ATG10: variants seen among roughly 807,000 people sequenced by gnomAD.
The protein encoded by ATG10 is ubiquitin-like-conjugating enzyme ATG10.
ATG10 carries 30 observed loss-of-function variants against 32.1 expected under a neutral mutation model. That is an observed-to-expected ratio of 0.94 (90% CI 0.70 to 1.27). The LOEUF (loss-of-function observed/expected upper bound fraction) is 1.27. Ranked by LOEUF, ATG10 falls within the 50% of genes most tolerant of loss-of-function variation. ATG10 has a pLI of 0.00. For missense variants in ATG10, 233 were observed against 262.3 expected (o/e 0.89, Z 0.77); for synonymous variants, 87 against 91.5 (o/e 0.95, Z 0.28).
intron 3 of ATG10, among the ~76,000 whole-genome samples, chr5:82,120,568 C>G (rs1459299784): frequency 6.6e-6 from 1 of 152,058 alleles, no homozygotes; most frequent in African/African-American, 2.4e-5. Flanking sequence ...TGGAATTGAG[C>G]TAATAGCTTT....
intron 3 of ATG10, among the ~76,000 whole-genome samples, chr5:82,097,950 T>A (rs919525433): frequency 6.6e-6 from 1 of 152,100 alleles, no homozygotes; most frequent in Admixed American, 6.6e-5. Flanking sequence ...CATGACATTT[T>A]AAAAAAAGGA....
At chr5:82,103,815 T>C (rs1765359763) in intron 3 of ATG10, among the ~76,000 whole-genome samples, 1 of 152,122 alleles carries the variant, frequency 6.6e-6, no homozygotes, top group Non-Finnish European at 1.5e-5. Flanking sequence ...AATTCCCAGA[T>C]GAAGAAACAG....
Position 82,170,421 on chromosome 5 carries a change from C to T in ATG10, c.355+5884C>T, listed in dbSNP as rs144478832. 3.2e-3 allele frequency among the ~76,000 whole-genome samples: 480 copies of T among 152,190 alleles called. 4 individuals are homozygous for T. Among genetic ancestry groups the T allele is most frequent in the African/African-American group, 7.2e-3 (298 of 41,524 alleles). ...CCTTCAAAGTCATCAAAGCAGTATT[C>T]GAGTCTATATGTTAGGTGCTGTTTT... On this transcript the variant is annotated intron_variant, in intron 4 of 7. Transcript: ENST00000282185.
intron 3 of ATG10, among the ~76,000 whole-genome samples, chr5:82,106,061 CTG>C (rs955281440): frequency 1.3e-5 from 2 of 152,076 alleles, no homozygotes; most frequent in African/African-American, 2.4e-5. Context: ...TCTGACTAAA[CTG>C]TTGCATTTAA....
intron 2 of ATG10, among the ~76,000 whole-genome samples, chr5:82,016,864 A>AT (rs1007802923): frequency 1.2e-4 from 18 of 151,170 alleles, no homozygotes; most frequent in African/African-American, 3.6e-4. Context: ...AATTTTTTGT[A>AT]TTTTTTTAGT....
chr5:81,978,266 C>T (rs1378183558), intron 1 of ATG10, among the ~76,000 whole-genome samples: 2 of 152,212 alleles, frequency 1.3e-5, no homozygotes, highest in South Asian at 2.1e-4. Flanking sequence ...GATGGGGTTT[C>T]ACCATGTTGG....
At chr5:82,132,334 A>G (rs1561315639) in intron 3 of ATG10, among the ~76,000 whole-genome samples, 1 of 151,918 alleles carries the variant, frequency 6.6e-6, no homozygotes, top group Non-Finnish European at 1.5e-5. Flanking sequence ...TACATGTGCC[A>G]TGGTGGTTTG....
chr5:82,054,607 G>T (rs550110157), intron 2 of ATG10, among the ~76,000 whole-genome samples: 47 of 152,344 alleles, frequency 3.1e-4, no homozygotes, highest in African/African-American at 9.6e-4. Flanking sequence ...ACTAATTAGT[G>T]TAAGACAAGT....
chr5:82,198,746 G>T (rs1449081408), intron 5 of ATG10, among the ~76,000 whole-genome samples: 1 of 152,124 alleles, frequency 6.6e-6, no homozygotes, highest in Non-Finnish European at 1.5e-5. Context: ...ACAGTACTTG[G>T]GATTGGGGGA....
chr5:82,203,226 TAAAAAA>T (rs879830876), intron 5 of ATG10, among the ~76,000 whole-genome samples: 1 of 135,664 alleles, frequency 7.4e-6, no homozygotes, highest in Admixed American at 7.4e-5. Flanking sequence ...AGACTCCATC[TAAAAAA>T]AAAAAAAAAG....
intron 3 of ATG10, among the ~76,000 whole-genome samples, chr5:82,110,585 G>C (rs112851871): frequency 0.15 from 23,241 of 152,102 alleles, 2,342 homozygotes; most frequent in Middle Eastern, 0.26. Flanking sequence ...TCTGTTGGCT[G>C]CATAAATGTC....
At chr5:82,021,836 A>C (rs549709242) in intron 2 of ATG10, among the ~76,000 whole-genome samples, 2 of 152,146 alleles carry the variant, frequency 1.3e-5, no homozygotes, top group Admixed American at 1.3e-4. Flanking sequence ...CATCCTGGCC[A>C]ACATGTTGAG....
chr5:82,035,861 C>T (rs978853495), intron 2 of ATG10, among the ~76,000 whole-genome samples: 4 of 150,984 alleles, frequency 2.6e-5, no homozygotes, highest in Non-Finnish European at 5.9e-5. Context: ...TTTCCCCAGT[C>T]TGTCACTTTT....
chr5:82,161,539 C>A (rs2407064), intron 3 of ATG10, among the ~76,000 whole-genome samples: 122,406 of 152,010 alleles, frequency 0.81, 49,645 homozygotes, highest in East Asian at 0.99. Context: ...TTTTCTAAAA[C>A]TTGTATCTTA....
chr5:82,226,900 C>G (rs1746154610), intron 5 of ATG10, among the ~76,000 whole-genome samples: 1 of 152,114 alleles, frequency 6.6e-6, no homozygotes, highest in Non-Finnish European at 1.5e-5. Flanking sequence ...TTGAAATTAA[C>G]TGCCATTTTA....
chr5:82,096,923 AT>A (rs1765087168), intron 3 of ATG10, among the ~76,000 whole-genome samples: 1 of 151,910 alleles, frequency 6.6e-6, no homozygotes, highest in Admixed American at 6.6e-5. Context: ...TATTATATTT[AT>A]TTTTCTTAAA....
chr5:82,139,699 C>T (rs1448724917), intron 3 of ATG10, among the ~76,000 whole-genome samples: 9 of 143,452 alleles, frequency 6.3e-5, no homozygotes, highest in Non-Finnish European at 9.2e-5. Context: ...CCACCCCGTC[C>T]GGGAGGGAGG....
chr5:82,047,667 C>T (rs1022277344), intron 2 of ATG10, among the ~76,000 whole-genome samples: 8 of 152,110 alleles, frequency 5.3e-5, no homozygotes, highest in African/African-American at 1.4e-4. Flanking sequence ...GGCCTCTGTC[C>T]TTGCTGTGCT....
At chr5:81,975,981 TA>T (rs1362058364) in intron 1 of ATG10, among the ~76,000 whole-genome samples, 1 of 150,630 alleles carries the variant, frequency 6.6e-6, no homozygotes, top group Non-Finnish European at 1.5e-5. Context: ...GTTGTAGAGT[TA>T]TTTATTTATT....
Sources: allele counts gnomAD v4.1 joint callset (sites outside exome capture counted in the v4.1 genomes callset), GRCh38; gene constraint gnomAD v4.1.1; transcripts MANE v1.5; gene names NCBI Gene and HGNC (gene_info 2026-07-23, HGNC 2026-07-21).